The following HUNK variants were observed in gnomAD, a reference collection of about 807,000 sequenced individuals.
HUNK encodes the protein hormonally up-regulated Neu-associated kinase, also known as hormonally up-regulated neu tumor-associated kinase.
A neutral mutation model predicts 61.0 loss-of-function variants in HUNK; 21 were observed. The ratio of observed to expected loss-of-function variants is 0.34; its 90% CI spans 0.24 to 0.50. The LOEUF (loss-of-function observed/expected upper bound fraction) is 0.50. Among genes scored for constraint, HUNK ranks in the 20% least tolerant of loss-of-function variants. The pLI, the probability that HUNK is intolerant of heterozygous loss-of-function variation, is 0.98. For synonymous variants in HUNK, 371 were observed against 386.1 expected, an observed-to-expected ratio of 0.96 and a Z score of 0.46; for missense variants, 772 against 945.7, an observed-to-expected ratio of 0.82 and a Z score of 2.41.
chr21:31,977,940 C>T (rs989966110), intron 7 of HUNK, among the ~76,000 whole-genome samples: 3 of 152,180 alleles, frequency 2.0e-5, no homozygotes, highest in Admixed American at 6.5e-5. Context: ...TCAAGCAGTC[C>T]GCCCGCCTAG....
At chr21:31,962,440 T>TA (rs1003895307) in intron 5 of HUNK, among the ~76,000 whole-genome samples, 1 of 152,188 alleles carries the variant, frequency 6.6e-6, no homozygotes, top group Non-Finnish European at 1.5e-5. Flanking sequence ...AATTTAACCT[T>TA]AAAGAAGCAG....
intron 1 of HUNK, among the ~76,000 whole-genome samples, chr21:31,896,813 A>G (rs1479925405): frequency 2.0e-5 from 3 of 152,236 alleles, no homozygotes; most frequent in African/African-American, 7.2e-5. Context: ...GTGAACCCAA[A>G]AGATTATTCT....
At chr21:31,961,977 C>A (rs146730410) in intron 5 of HUNK, among the ~76,000 whole-genome samples, 1 of 152,236 alleles carries the variant, frequency 6.6e-6, no homozygotes, top group Non-Finnish European at 1.5e-5. Context: ...AGTCATGCTA[C>A]ATCTCAGTTG....
intron 1 of HUNK, among the ~76,000 whole-genome samples, chr21:31,899,397 C>T (rs1446758306): frequency 6.6e-6 from 1 of 152,152 alleles, no homozygotes; most frequent in East Asian, 1.9e-4. Context: ...AGATGCCTCA[C>T]TCCAGTCTCT....
intron 1 of HUNK, among the ~76,000 whole-genome samples, chr21:31,911,988 T>C (rs1193307341): frequency 6.6e-6 from 1 of 152,194 alleles, no homozygotes; most frequent in Non-Finnish European, 1.5e-5. Flanking sequence ...GTTGGGACTT[T>C]CCCAGAGCTG....
chr21:31,971,463 G>T (rs1012881955), intron 6 of HUNK, among the ~76,000 whole-genome samples: 1 of 152,060 alleles, frequency 6.6e-6, no homozygotes, highest in Non-Finnish European at 1.5e-5. Flanking sequence ...CAAAAAAAAT[G>T]TATTTTTTAT....
chr21:31,947,384 C>T (rs1024432672), intron 4 of HUNK, among the ~76,000 whole-genome samples: 2 of 152,170 alleles, frequency 1.3e-5, no homozygotes, highest in African/African-American at 4.8e-5. Context: ...GGCGCCTGCG[C>T]ATTCCCACAT....
chr21:31,922,964 C>T (rs1256234128), intron 1 of HUNK, among the ~76,000 whole-genome samples: 3 of 152,104 alleles, frequency 2.0e-5, no homozygotes, highest in Non-Finnish European at 4.4e-5. Flanking sequence ...GAAGGTGTTC[C>T]TGGGATGCTC....
At chr21:31,934,869 A>G (rs1483908743) in intron 2 of HUNK, among the ~76,000 whole-genome samples, 3 of 152,140 alleles carry the variant, frequency 2.0e-5, no homozygotes, top group Non-Finnish European at 4.4e-5. Flanking sequence ...ATGGTATTCC[A>G]TGGTACATAT....
chr21:31,965,613 T>TA (rs1555880358), intron 5 of HUNK, among the ~76,000 whole-genome samples: 2,363 of 144,006 alleles, frequency 0.016, 64 homozygotes, highest in African/African-American at 0.06. Flanking sequence ...TTTTTTTTTT[T>TA]AATTTTGAGA....
chr21:31,894,531 T>G (rs2052412540), intron 1 of HUNK, among the ~76,000 whole-genome samples: 1 of 152,198 alleles, frequency 6.6e-6, no homozygotes, highest in Non-Finnish European at 1.5e-5. Flanking sequence ...GTGGCCCTTT[T>G]TATGCAGAGC....
chr21:31,875,142 G>A (rs1246746679), intron 1 of HUNK, among the ~76,000 whole-genome samples: 1 of 152,206 alleles, frequency 6.6e-6, no homozygotes, highest in Non-Finnish European at 1.5e-5. Context: ...CAACCGAGCA[G>A]GTGGCCTGGG....
At chr21:31,958,791 C>A (rs185724295) in intron 4 of HUNK, 52 bp from the exon 5 acceptor site, 30 of 1,510,678 alleles carry the variant, frequency 2.0e-5, no homozygotes, top group Non-Finnish European at 2.7e-5. Flanking sequence ...CCCCAGTCTT[C>A]CCCTCCCCAG....
intron 1 of HUNK, among the ~76,000 whole-genome samples, chr21:31,884,616 G>C (rs942594751): frequency 1.3e-5 from 2 of 151,584 alleles, no homozygotes; most frequent in Admixed American, 6.6e-5. Flanking sequence ...ATAAATAAAG[G>C]GTGCCTAAAG....
At chr21:31,973,788 T>C (rs916397560) in intron 6 of HUNK, among the ~76,000 whole-genome samples, 3 of 152,196 alleles carry the variant, frequency 2.0e-5, no homozygotes, top group Admixed American at 2.0e-4. Flanking sequence ...CTCATAGGAC[T>C]ATCAGGATGA....
chr21:31,873,069 C>T lies in HUNK; in HGVS notation c.-606C>T, dbSNP rs1245805168. On this transcript the variant is annotated 5_prime_UTR_variant, in exon 1 of 11. Coordinates refer to ENST00000270112, the MANE Select transcript of HUNK (RefSeq NM_014586.2). The surrounding 1 kb of genome is among the most constrained non-coding windows in gnomAD (Gnocchi z 6.1). ...CTGCGGAGTGGAGCTCGCATCTGTT[C>T]CCGCCGCCCGCGAGCGGATTAAATT... 6.6e-6 allele frequency among the ~76,000 whole-genome samples: 1 copy of T among 152,142 alleles called. No individual in the cohort carries two copies. Among genetic ancestry groups the T allele is most frequent in the African/African-American group, 2.4e-5 (1 of 41,456 alleles).
chr21:31,990,030 A>T, intron 8 of HUNK, 99 bp from the exon 9 acceptor site: 1 of 1,116,484 alleles, frequency 9.0e-7, no homozygotes, highest in Admixed American at 1.7e-5. Flanking sequence ...ACCGAAACGA[A>T]TAATTCTCAA....
intron 4 of HUNK, among the ~76,000 whole-genome samples, chr21:31,956,025 A>C (rs540563739): frequency 6.6e-6 from 1 of 152,300 alleles, no homozygotes; most frequent in Non-Finnish European, 1.5e-5. Flanking sequence ...AACTGCATGA[A>C]CCTGCTGGTG....
intron 8 of HUNK, among the ~76,000 whole-genome samples, chr21:31,987,088 G>A (rs1401076825): frequency 6.6e-6 from 1 of 152,200 alleles, no homozygotes; most frequent in Non-Finnish European, 1.5e-5. Flanking sequence ...AAAAGATCAA[G>A]TGGGCCCTGA....
Sources: gnomAD v4.1 joint callset for allele counts (sites outside exome capture counted in the v4.1 genomes callset) on GRCh38, gnomAD v4.1.1 for gene constraint, Gnocchi (gnomAD v3.1) non-coding constraint, MANE v1.5 for transcripts, NCBI Gene and HGNC (gene_info 2026-07-23, HGNC 2026-07-21) for gene names.